SLC44A1: variants seen among roughly 807,000 people sequenced by gnomAD.
SLC44A1 encodes solute carrier family 44 member 1, also known as choline transporter-like protein 1.
In SLC44A1, 26 loss-of-function variants were observed where a neutral mutation model predicts 79.3. That is an observed-to-expected ratio of 0.33 (90% confidence interval 0.24 to 0.46). SLC44A1 has a LOEUF of 0.46. Among genes scored for constraint, SLC44A1 ranks in the 20% least tolerant of loss-of-function variants. SLC44A1 has a pLI of 1.00. For missense variants in SLC44A1, 688 were observed against 798.1 expected, an observed-to-expected ratio of 0.86 and a Z score of 1.66; for synonymous variants, 263 against 286.2, an observed-to-expected ratio of 0.92 and a Z score of 0.82.
chr9:105,356,011 A>G, intron 5 of SLC44A1: 5 of 564,306 alleles, frequency 8.9e-6, no homozygotes, highest in African/African-American at 1.9e-5. Context: ...ACCCTCTTTG[A>G]TAAGGCTTGT....
chr9:105,310,115 TA>T (rs1186737176), intron 3 of SLC44A1, among the ~76,000 whole-genome samples: 1 of 152,076 alleles, frequency 6.6e-6, no homozygotes, highest in Non-Finnish European at 1.5e-5. Flanking sequence ...TGTTAATGGG[TA>T]AAGGCTTGAT....
chr9:105,279,917 CAT>C (rs1289870139), intron 1 of SLC44A1, among the ~76,000 whole-genome samples: 1 of 152,070 alleles, frequency 6.6e-6, no homozygotes, highest in African/African-American at 2.4e-5. Flanking sequence ...CAGTTAGAAA[CAT>C]GTAGCATAAA....
At chr9:105,300,342 C>T (rs1588752564) in intron 2 of SLC44A1, among the ~76,000 whole-genome samples, 1 of 152,146 alleles carries the variant, frequency 6.6e-6, no homozygotes, top group Non-Finnish European at 1.5e-5. Context: ...AATGCAATTA[C>T]ACTACCTCAG....
At chr9:105,265,553 C>T (rs1829942892) in intron 1 of SLC44A1, among the ~76,000 whole-genome samples, 1 of 152,128 alleles carries the variant, frequency 6.6e-6, no homozygotes. Context: ...GGGTTGTTTC[C>T]AGTTTGGGAT....
chr9:105,337,165 C>A lies in SLC44A1; in HGVS notation c.406+1466C>A, dbSNP rs556194274. Among the ~76,000 whole-genome samples, 7 of 152,094 alleles carry A rather than the reference C, an allele frequency of 4.6e-5. No individual in the cohort carries two copies. The South Asian group carries it at 1.5e-3, about 32-fold the overall frequency. ...GGTGAGCCCTTCCTTAAGGGTTTTT[C>A]CAGAATTTTAGACAATGTGAGTATA... On this transcript the variant is annotated intron_variant, in intron 4 of 15. Coordinates refer to ENST00000374720, the MANE Select transcript of SLC44A1 (RefSeq NM_080546.5).
At chr9:105,374,897 C>T (rs1031582562) in intron 13 of SLC44A1, among the ~76,000 whole-genome samples, 162 bp downstream of exon 13, 3 of 152,222 alleles carry the variant, frequency 2.0e-5, no homozygotes, top group Non-Finnish European at 4.4e-5. Context: ...AAGTACTTGA[C>T]ATATATTGTG....
chr9:105,341,513 T>A lies in SLC44A1; in HGVS notation c.406+5814T>A, dbSNP rs567231954. Among the ~76,000 whole-genome samples the A allele has an allele frequency of 2.0e-5, 3 of 152,242 alleles. No individual in the cohort carries two copies. The South Asian group carries it at 6.2e-4, about 32-fold the overall frequency. ...AAGAAAACAGTTTAAAAATTGCCTT[T>A]AAAAAATTGAAGTTGCCAAATACCA... is the stretch of plus-strand genomic sequence containing the variant. On this transcript the variant is annotated intron_variant, in intron 4 of 15. Transcript: ENST00000374720.
chr9:105,269,107 C>G (rs966424626), intron 1 of SLC44A1, among the ~76,000 whole-genome samples: 2 of 152,062 alleles, frequency 1.3e-5, no homozygotes, highest in African/African-American at 4.8e-5. Context: ...TGTATGTGCT[C>G]TTCCTTTCCC....
chr9:105,350,366 A>C (rs979217673), intron 5 of SLC44A1, among the ~76,000 whole-genome samples: 5 of 152,192 alleles, frequency 3.3e-5, no homozygotes, highest in Non-Finnish European at 5.9e-5. Context: ...TAATAAAAAG[A>C]CTTGAGGCAT....
rs34048538 is a variant in SLC44A1 at position 105,390,430 on chromosome 9, CAAAA to C, written c.*1392_*1395del. ...TATTGCACTAAATACAGGCTCTGTA[CAAAA>C]AAAAAAAAAAAAAAAAAGCCTCAGC... On this transcript the variant is annotated 3_prime_UTR_variant, in exon 16 of 16. Transcript: ENST00000374720. 0.066 allele frequency: 53,939 copies of C among 820,560 alleles called. 61 individuals carry two copies. Among genetic ancestry groups the C allele is most frequent in the Admixed American group, 0.076 (638 of 8,376 alleles). The allele number at this position is 820,560 out of a possible 1,614,324, so 50.8% of individuals were successfully genotyped here.
intron 3 of SLC44A1, among the ~76,000 whole-genome samples, chr9:105,329,406 C>T (rs1826681651): frequency 6.6e-6 from 1 of 152,120 alleles, no homozygotes; most frequent in African/African-American, 2.4e-5. Flanking sequence ...CCAAATTCGG[C>T]AGGAGGCGGC....
At chr9:105,294,866 TC>T in intron 1 of SLC44A1, 1 of 138,754 alleles carries the variant, frequency 7.2e-6, no homozygotes. Flanking sequence ...AAATTTTGAG[TC>T]TGTGTGTGTG....
chr9:105,288,140 A>G (rs1358615270), intron 1 of SLC44A1, among the ~76,000 whole-genome samples: 4 of 152,182 alleles, frequency 2.6e-5, no homozygotes, highest in Non-Finnish European at 5.9e-5. Context: ...GTATAATCAG[A>G]GCATAGATGC....
chr9:105,360,044 C>T (rs1564457569), intron 7 of SLC44A1, among the ~76,000 whole-genome samples: 1 of 152,210 alleles, frequency 6.6e-6, no homozygotes, highest in Non-Finnish European at 1.5e-5. Flanking sequence ...ACCTACAAGG[C>T]CTTACAGTGT....
chr9:105,355,919 TTGTGTGTGTGTATG>T (rs1564455392), intron 5 of SLC44A1: 1 of 309,832 alleles, frequency 3.2e-6, no homozygotes, highest in African/African-American at 2.2e-5. Context: ...CTTTTGGTAG[TTGTGTGTGTGTATG>T]TGTGTGTGTG....
chr9:105,356,912 TCAAA>T (rs1827640959), intron 6 of SLC44A1, among the ~76,000 whole-genome samples: 1 of 152,126 alleles, frequency 6.6e-6, no homozygotes, highest in African/African-American at 2.4e-5. Flanking sequence ...AGATAATAAA[TCAAA>T]CAAAAATGTT....
chr9:105,278,148 G>T (rs1168626053), intron 1 of SLC44A1, among the ~76,000 whole-genome samples: 2 of 151,762 alleles, frequency 1.3e-5, no homozygotes, highest in African/African-American at 4.8e-5. Context: ...TGCAACCTCT[G>T]CCTCCCAGGC....
chr9:105,356,049 A>G, intron 5 of SLC44A1, 163 bp from the exon 6 acceptor site: 1 of 612,504 alleles, frequency 1.6e-6, no homozygotes, highest in Non-Finnish European at 2.9e-6. Context: ...TACCCATGAC[A>G]GTCATCCTCA....
chr9:105,304,889 A>AT (rs1421129261), intron 2 of SLC44A1, among the ~76,000 whole-genome samples: 1 of 125,100 alleles, frequency 8.0e-6, no homozygotes, highest in East Asian at 2.5e-4. Flanking sequence ...TAAACCTTGC[A>AT]TTTGTATATG....
Sources: gnomAD v4.1 joint callset for allele counts (sites outside exome capture counted in the v4.1 genomes callset) on GRCh38, gnomAD v4.1.1 for gene constraint, MANE v1.5 for transcripts, NCBI Gene and HGNC (gene_info 2026-07-23, HGNC 2026-07-21) for gene names.